SNX29: variants seen among roughly 807,000 people sequenced by gnomAD.
SNX29 encodes the protein sorting nexin-29.
SNX29 carries 78 observed loss-of-function variants against 102.1 expected under a neutral mutation model. That is an observed-to-expected ratio of 0.76 (90% CI 0.64 to 0.92). SNX29 has a LOEUF of 0.92. Among genes scored for constraint, SNX29 ranks in the 40% least tolerant of loss-of-function variants. The pLI is 0.00. For synonymous variants in SNX29, 580 were observed against 414.5 expected, an observed-to-expected ratio of 1.40 and a Z score of -4.85; for missense variants, 1,280 against 1,061.7, an observed-to-expected ratio of 1.21 and a Z score of -2.86.
intron 19 of SNX29, among the ~76,000 whole-genome samples, chr16:12,492,973 C>T (rs530624797): frequency 1.3e-5 from 2 of 152,176 alleles, no homozygotes; most frequent in Admixed American, 6.5e-5. Flanking sequence ...GTGATGCCTC[C>T]AGCTTTGTTC....
chr16:12,294,623 G>C (rs1182639389), intron 15 of SNX29, among the ~76,000 whole-genome samples: 1 of 152,154 alleles, frequency 6.6e-6, no homozygotes, highest in Non-Finnish European at 1.5e-5. Flanking sequence ...CCTGCCCTTT[G>C]CCTATGCTCA....
At chr16:12,541,286 C>G (rs1282500940) in intron 20 of SNX29, among the ~76,000 whole-genome samples, 2 of 152,134 alleles carry the variant, frequency 1.3e-5, no homozygotes, top group Non-Finnish European at 2.9e-5. Flanking sequence ...AGGGGAATAC[C>G]ACTAACAGTG....
chr16:11,980,575 G>A (rs2055392880), intron 1 of SNX29, among the ~76,000 whole-genome samples: 1 of 152,136 alleles, frequency 6.6e-6, no homozygotes, highest in Non-Finnish European at 1.5e-5. Context: ...AACCATTTGA[G>A]GAGCTGTGTC....
intron 15 of SNX29, among the ~76,000 whole-genome samples, chr16:12,285,190 G>T (rs890330688): frequency 6.6e-6 from 1 of 152,178 alleles, no homozygotes; most frequent in Non-Finnish European, 1.5e-5. Flanking sequence ...TTTCCCTTCA[G>T]TTCTCCTTCC....
intron 14 of SNX29, among the ~76,000 whole-genome samples, chr16:12,225,205 A>G (rs2077577998): frequency 6.6e-6 from 1 of 152,192 alleles, no homozygotes; most frequent in South Asian, 2.1e-4. Context: ...AGACAGCTGA[A>G]CTCTTAATGT....
chr16:11,976,850 C>T, intron 1 of SNX29, 37 bp downstream of exon 1: 2 of 1,338,754 alleles, frequency 1.5e-6, no homozygotes, highest in Non-Finnish European at 1.9e-6. Context: ...CTGCCCCGGC[C>T]GCCCCGGCTC....
chr16:12,222,771 G>C (rs1301137778), intron 14 of SNX29, among the ~76,000 whole-genome samples: 1 of 152,172 alleles, frequency 6.6e-6, no homozygotes, highest in Non-Finnish European at 1.5e-5. Flanking sequence ...GTTTTGCCAT[G>C]TTGGCCAGTC....
chr16:12,356,540 C>A (rs966819263), intron 16 of SNX29, among the ~76,000 whole-genome samples: 3 of 152,252 alleles, frequency 2.0e-5, no homozygotes, highest in African/African-American at 7.2e-5. Context: ...CCTCCCCCCG[C>A]AAACCCATCT....
At position 12,571,091 on chromosome 16, in the gene SNX29, A is replaced by C. The variant is rs1191668591; in HGVS notation, c.*2462A>C. 4 of 232,456 alleles carry C rather than the reference A, an allele frequency of 1.7e-5. No homozygotes were observed. The highest frequency in any genetic ancestry group is 3.4e-5 in the Non-Finnish European group (4 of 117,640). The allele number at this position is 232,456 out of a possible 1,614,324, so 14.4% of individuals were successfully genotyped here. ...GCCCGCACATGACAGCAACTCCCCG[A>C]AGCCTTCCCTTTGGAATCCCATAGA... On this transcript the variant is annotated 3_prime_UTR_variant, in exon 21 of 21. Transcript: ENST00000566228.
intron 3 of SNX29, among the ~76,000 whole-genome samples, chr16:12,025,870 A>T (rs1327867298): frequency 6.6e-6 from 1 of 152,190 alleles, no homozygotes; most frequent in Non-Finnish European, 1.5e-5. Flanking sequence ...GCTTGCGAGG[A>T]TGGAGTTCAG....
intron 19 of SNX29, among the ~76,000 whole-genome samples, chr16:12,498,116 A>G (rs1386041401): frequency 1.3e-5 from 2 of 152,230 alleles, no homozygotes; most frequent in African/African-American, 4.8e-5. Context: ...TTGAGGGATA[A>G]GCAGCATTCA....
rs560516370 is a variant in SNX29, at chr16:12,024,980, C to T, written c.123-2340C>T. Among the ~76,000 whole-genome samples the T allele has an allele frequency of 4.6e-5, 7 of 152,008 alleles. No homozygotes were observed. The East Asian group carries it at 9.7e-4, about 21-fold the overall frequency. On this transcript the variant is annotated intron_variant, in intron 3 of 20. Transcript: ENST00000566228. ...GTGGTATTTAGAGAGTTTTGGTGGA[C>T]GTCCCAGCTTTCAGGAAGCCTTAAA...
chr16:12,139,243 C>A lies in SNX29; in HGVS notation c.1595+9485C>A, dbSNP rs183845793. Among the ~76,000 whole-genome samples, 463 of 148,174 alleles carry A rather than the reference C, an allele frequency of 3.1e-3. 3 individuals are homozygous for A. Among genetic ancestry groups the A allele is most frequent in the Non-Finnish European group, 5.4e-3 (364 of 67,306 alleles). On this transcript the variant is annotated intron_variant, in intron 13 of 20. Coordinates refer to ENST00000566228, the MANE Select transcript of SNX29 (RefSeq NM_032167.5). Reference sequence around the variant, plus strand: ...AAAAAGGGAGGAAGGCTTTGTGCAGCATCTCCTGCCTGATCGTGAGACCGA... The same window carrying A: ...AAAAAGGGAGGAAGGCTTTGTGCAGAATCTCCTGCCTGATCGTGAGACCGA...
At chr16:12,316,292 G>A (rs1024991760) in intron 15 of SNX29, among the ~76,000 whole-genome samples, 1 of 152,162 alleles carries the variant, frequency 6.6e-6, no homozygotes, top group Non-Finnish European at 1.5e-5. Context: ...GGAGGCCAGG[G>A]TGGGTGGATC....
At chr16:12,311,040 T>C (rs775391827) in intron 15 of SNX29, among the ~76,000 whole-genome samples, 3 of 152,180 alleles carry the variant, frequency 2.0e-5, no homozygotes, top group Non-Finnish European at 4.4e-5. Flanking sequence ...TTATAAATTA[T>C]AATAAAAAGA....
intron 15 of SNX29, among the ~76,000 whole-genome samples, chr16:12,281,594 T>G (rs576018789): frequency 1.3e-5 from 2 of 152,216 alleles, no homozygotes; most frequent in African/African-American, 4.8e-5. Context: ...ACAGCCCCTG[T>G]AATACTAGCA....
intron 18 of SNX29, among the ~76,000 whole-genome samples, chr16:12,473,382 A>G (rs972647773): frequency 1.1e-4 from 17 of 152,232 alleles, no homozygotes; most frequent in African/African-American, 3.9e-4. Context: ...TCTGACAGCA[A>G]GGAGACCTTT....
chr16:12,055,948 T>G (rs556079180), intron 8 of SNX29, among the ~76,000 whole-genome samples: 12 of 152,136 alleles, frequency 7.9e-5, no homozygotes, highest in Non-Finnish European at 1.5e-4. Flanking sequence ...AGTGGTGCGA[T>G]CTCAGTTCAC....
At chr16:12,542,438 T>C (rs1218826765) in intron 20 of SNX29, among the ~76,000 whole-genome samples, 1 of 152,072 alleles carries the variant, frequency 6.6e-6, no homozygotes, top group Admixed American at 6.5e-5. Flanking sequence ...CAAGTTCAAT[T>C]TTGTTTCCTC....
Sources: gnomAD v4.1 joint callset for allele counts (sites outside exome capture counted in the v4.1 genomes callset) on GRCh38, gnomAD v4.1.1 for gene constraint, MANE v1.5 for transcripts, NCBI Gene and HGNC (gene_info 2026-07-23, HGNC 2026-07-21) for gene names.